RTTN: variants seen among roughly 807,000 people sequenced by gnomAD.
RTTN encodes the protein rotatin.
RTTN carries 182 observed loss-of-function variants against 269.2 expected under a neutral mutation model. The observed-to-expected ratio is 0.68, with a 90% confidence interval of 0.60 to 0.76. The LOEUF (loss-of-function observed/expected upper bound fraction) is 0.76. RTTN is among the 30% of genes least tolerant of loss of function. The probability of loss-of-function intolerance (pLI) is 0.00; values close to 1 mark genes in which losing one functional copy is unlikely to be tolerated. For missense variants in RTTN, 2,545 were observed against 2,608.6 expected (o/e 0.98, Z 0.53); for synonymous variants, 1,006 against 963.5 (o/e 1.04, Z -0.82).
chr18:70,163,839 G>A (rs75989304), intron 14 of RTTN, among the ~76,000 whole-genome samples: 3,839 of 152,218 alleles, frequency 0.025, 160 homozygotes, highest in African/African-American at 0.086. Context: ...TGGATTTTCA[G>A]AATTGGAGTG....
At chr18:70,005,122 C>T in intron 48 of RTTN, 76 bp downstream of exon 48, 2 of 1,087,038 alleles carry the variant, frequency 1.8e-6, no homozygotes, top group Non-Finnish European at 2.7e-6. Context: ...GTGGCCTGTC[C>T]AAATATCTCA....
intron 3 of RTTN, among the ~76,000 whole-genome samples, chr18:70,203,782 G>A (rs1280385765): frequency 6.6e-6 from 1 of 152,096 alleles, no homozygotes; most frequent in Non-Finnish European, 1.5e-5. Context: ...TAAGAACAAT[G>A]AGCACTCATG....
At position 70,065,987 on chromosome 18, in the gene RTTN, TACAC is replaced by T. The variant is rs371747428; in HGVS notation, c.4654-69_4654-66del. 6.2e-6 allele frequency: 7 copies of T among 1,124,012 alleles called. 1 individual carries two copies. In the African/African-American group the frequency reaches 7.8e-5, roughly 13 times the overall value. The allele number at this position is 1,124,012 out of a possible 1,614,324, so 69.6% of individuals were successfully genotyped here. On this transcript the variant is annotated intron_variant, in intron 34 of 48. Transcript: ENST00000640769. Reference sequence around the variant, plus strand: ...TACGGAAAATGAAACACAGGCAACATACACACAAGATATCCTTAAACAAGGAGGT... The same window carrying T: ...TACGGAAAATGAAACACAGGCAACATACAAGATATCCTTAAACAAGGAGGT...
In RTTN at chr18:70,043,004, A is replaced by G. The variant is rs562618693; in HGVS notation, c.5541+4967T>C. The stretch of plus-strand genomic sequence containing the variant: ...AATTCCTGGAACCAGGTGAATGGAT[A>G]TCCCAGGATGACAGGAAACTGCACC... On this transcript the variant is annotated intron_variant, in intron 40 of 48. Coordinates refer to ENST00000640769, the MANE Select transcript of RTTN (RefSeq NM_173630.4). 1.3e-4 allele frequency among the ~76,000 whole-genome samples: 20 copies of G among 152,338 alleles called. 1 individual carries two copies. In the South Asian group the frequency reaches 3.1e-3, roughly 24 times the overall value.
intron 26 of RTTN, among the ~76,000 whole-genome samples, chr18:70,119,113 A>G (rs1387107796): frequency 6.6e-6 from 1 of 152,114 alleles, no homozygotes; most frequent in Non-Finnish European, 1.5e-5. Context: ...AATAAAAGGC[A>G]TCCACATTAG....
At chr18:70,150,229 T>G (rs1373680089) in intron 15 of RTTN, 142 bp from the exon 16 acceptor site, 2 of 635,186 alleles carry the variant, frequency 3.1e-6, no homozygotes, top group African/African-American at 1.8e-5. Flanking sequence ...TTCCACAGCA[T>G]CATCTTACAT....
At chr18:70,186,904 C>T (rs1189087629) in intron 10 of RTTN, among the ~76,000 whole-genome samples, 2 of 152,138 alleles carry the variant, frequency 1.3e-5, no homozygotes, top group African/African-American at 4.8e-5. Flanking sequence ...CAAAAATTAC[C>T]TATCGGGTAC....
intron 34 of RTTN, among the ~76,000 whole-genome samples, chr18:70,072,161 G>A (rs1484905345): frequency 6.6e-6 from 1 of 152,076 alleles, no homozygotes. Context: ...TAGAATTAGG[G>A]TACGAAGACT....
intron 33 of RTTN, chr18:70,075,073 G>T (rs1268038827): frequency 8.6e-6 from 2 of 231,930 alleles, no homozygotes; most frequent in African/African-American, 2.3e-5. Context: ...TAATTTCCAT[G>T]AAGAATTTAT....
chr18:70,114,216 T>C (rs896584636), intron 27 of RTTN, among the ~76,000 whole-genome samples: 1 of 152,132 alleles, frequency 6.6e-6, no homozygotes, highest in African/African-American at 2.4e-5. Context: ...AAACTGTGTG[T>C]GTGCATATGT....
intron 40 of RTTN, among the ~76,000 whole-genome samples, chr18:70,042,938 A>C (rs2057388472): frequency 6.6e-6 from 1 of 152,232 alleles, no homozygotes; most frequent in African/African-American, 2.4e-5. Flanking sequence ...GGGAGACAGC[A>C]TGCAGGATGC....
chr18:70,010,820 A>T (rs750338475), intron 46 of RTTN, among the ~76,000 whole-genome samples: 1 of 152,214 alleles, frequency 6.6e-6, no homozygotes, highest in Non-Finnish European at 1.5e-5. Context: ...GAAAAGATTA[A>T]CAAAATAGAT....
chr18:70,173,483 C>A, intron 11 of RTTN, among the ~76,000 whole-genome samples: 2 of 134,230 alleles, frequency 1.5e-5, no homozygotes, highest in South Asian at 2.4e-4. Flanking sequence ...CAGAGCAAGA[C>A]TCCAACTCAA....
intron 40 of RTTN, among the ~76,000 whole-genome samples, chr18:70,035,325 A>G (rs1288626098): frequency 6.6e-6 from 1 of 152,238 alleles, no homozygotes; most frequent in Non-Finnish European, 1.5e-5. Context: ...CTACAGGGCT[A>G]CAGTAACCAA....
At chr18:70,049,356 A>G (rs2057588305) in intron 39 of RTTN, among the ~76,000 whole-genome samples, 1 of 152,176 alleles carries the variant, frequency 6.6e-6, no homozygotes, top group Non-Finnish European at 1.5e-5. Context: ...TAAATACAAG[A>G]AGAAAATCCC....
rs1013559238 is a variant in RTTN, at chr18:70,128,560, G to A, written c.2955-14C>T. 2 of 1,604,516 alleles carry A rather than the reference G, an allele frequency of 1.2e-6. No homozygotes were observed. Among genetic ancestry groups the A allele is most frequent in the Non-Finnish European group, 8.5e-7 (1 of 1,173,162 alleles). On this transcript the variant is annotated splice_polypyrimidine_tract_variant and intron_variant, in intron 23 of 48. Coordinates refer to ENST00000640769, the MANE Select transcript of RTTN (RefSeq NM_173630.4). ...GGTAGATGGTACCTAAAGAAAATGT[G>A]TACAAATAATTACAAACTTTCAAAT...
At position 70,190,526 on chromosome 18, in the gene RTTN, A is replaced by G. The variant is rs1268830576; in HGVS notation, c.1189+12T>C. 6 of 1,580,860 alleles carry G rather than the reference A, an allele frequency of 3.8e-6. No individual in the cohort carries two copies. In the Admixed American group the frequency reaches 8.5e-5, roughly 22 times the overall value. The stretch of plus-strand genomic sequence containing the variant: ...AAATTATATCAGAATTACGATTTCT[A>G]AAACAACTAACCTGTTCTTAAGAGA... On this transcript the variant is annotated intron_variant, in intron 9 of 48. Transcript: ENST00000640769.
intron 35 of RTTN, among the ~76,000 whole-genome samples, chr18:70,063,965 C>CTTTTTTTTTTTTTTTTTTT (rs35413593): frequency 1.5e-5 from 2 of 131,214 alleles, no homozygotes; most frequent in African/African-American, 2.9e-5. Flanking sequence ...CTTTTATATG[C>CTTTTTTTTTTTTTTTTTTT]TTTTTTTTTT....
intron 11 of RTTN, among the ~76,000 whole-genome samples, chr18:70,175,045 C>CAAAAAAAAAAAAAAACAAA (rs2061253855): frequency 1.2e-5 from 1 of 86,858 alleles, no homozygotes; most frequent in Admixed American, 1.5e-4. Flanking sequence ...AAACCAAAAC[C>CAAAAAAAAAAAAAAACAAA]AAAAAAAAAA....
Sources: allele counts gnomAD v4.1 joint callset (sites outside exome capture counted in the v4.1 genomes callset), GRCh38; gene constraint gnomAD v4.1.1; transcripts MANE v1.5; gene names NCBI Gene and HGNC (gene_info 2026-07-23, HGNC 2026-07-21).